Variants in CPSF7 observed in about 807,000 individuals in gnomAD.
The protein encoded by CPSF7 is cleavage and polyadenylation specific factor 7, also known as cleavage and polyadenylation specificity factor subunit 7.
A neutral mutation model predicts 44.3 loss-of-function variants in CPSF7; 1 was observed. The ratio of observed to expected loss-of-function variants is 0.02; its 90% CI spans 0.01 to 0.11. CPSF7 has a LOEUF of 0.11. Ranked by LOEUF, CPSF7 falls within the 10% of genes least tolerant of loss-of-function variation. CPSF7 has a pLI of 1.00. For synonymous variants in CPSF7, 202 were observed against 222.0 expected (o/e 0.91, Z 0.80); for missense variants, 443 against 607.2 (o/e 0.73, Z 2.84).
intron 1 of CPSF7, 167 bp downstream of exon 1, chr11:61,429,747 C>T: frequency 1.9e-6 from 3 of 1,545,732 alleles, no homozygotes; most frequent in Non-Finnish European, 2.6e-6. Context: ...CCCGCTCCCT[C>T]CCGACAAACC....
At chr11:61,412,580 C>A (rs140243145) in intron 7 of CPSF7, among the ~76,000 whole-genome samples, 1 of 152,142 alleles carries the variant, frequency 6.6e-6, no homozygotes, top group Non-Finnish European at 1.5e-5. Context: ...TGAGCCACTG[C>A]GCCCGGCCAG....
chr11:61,427,896 AAAAT>A (rs1263926498), intron 2 of CPSF7, among the ~76,000 whole-genome samples: 1 of 152,178 alleles, frequency 6.6e-6, no homozygotes. Flanking sequence ...TGCCAAGTGA[AAAAT>A]AAATGGCATG....
intron 5 of CPSF7, 58 bp downstream of exon 5, chr11:61,419,891 C>T (rs778869074): frequency 1.4e-6 from 2 of 1,481,316 alleles, no homozygotes; most frequent in African/African-American, 1.4e-5. Flanking sequence ...CCCACAAACA[C>T]CCCCCCCTCA....
At position 61,411,878 on chromosome 11, in the gene CPSF7, G is replaced by C. The variant is rs745409283; in HGVS notation, c.1117C>G (p.Arg373Gly). 1 of 1,614,166 alleles carries C rather than the reference G, an allele frequency of 6.2e-7. No individual in the cohort carries two copies. Among genetic ancestry groups the C allele is most frequent in the Non-Finnish European group, 8.5e-7 (1 of 1,179,990 alleles). ...LTAIAVIKQSRVANDERCRVL... is the reference protein window; with the variant it reads ...LTAIAVIKQSGVANDERCRVL... Reference sequence around the variant, plus strand: ...CGGCAACGCTCATCATTGGCAACCCGGGACTGTTTGATAACCGCAATGGCT... The same window carrying C: ...CGGCAACGCTCATCATTGGCAACCCCGGACTGTTTGATAACCGCAATGGCT... The change falls in exon 8 of 10, where the codon CGG becomes GGG. Residue 373 changes from arginine to glycine, a missense_variant. Transcript: ENST00000439958.
Position 61,411,086 on chromosome 11 carries a change from C to T in CPSF7, c.1246G>A (p.Glu416Lys), listed in dbSNP as rs1404947942. The change falls in exon 9 of 10, where the codon GAA (glutamate) becomes AAA (lysine). Residue 416 changes from glutamate (E) to lysine (K), a missense_variant. Physicochemically the swap from Glu to Lys is moderately conservative, Grantham distance 56 (BLOSUM62 1). Coordinates refer to ENST00000439958, the MANE Select transcript of CPSF7 (RefSeq NM_001142565.3). ...TCCCGGGACCGGCTAGGTGACCTTT[C>T]CCGGGAGCGATGTCTTTTCCTATTA... is the stretch of plus-strand genomic sequence containing the variant. ...SSSRKRHRSR[E>K]RSPSRSRESS... 6.2e-7 allele frequency: 1 copy of T among 1,610,734 alleles called. No homozygotes were observed. Among genetic ancestry groups the T allele is most frequent in the East Asian group, 2.2e-5 (1 of 44,846 alleles).
Position 61,416,111 on chromosome 11 carries a change from T to C in CPSF7, c.932A>G (p.His311Arg), listed in dbSNP as rs746264215. 4.0e-6 allele frequency: 6 copies of C among 1,498,354 alleles called. No homozygotes were observed. In the African/African-American group the frequency reaches 5.6e-5, roughly 14 times the overall value. The allele number at this position is 1,498,354 out of a possible 1,614,324, so 92.8% of individuals were successfully genotyped here. ...YMKASAPYNHHGSRDSGPPPS... is the reference protein window; with the variant it reads ...YMKASAPYNHRGSRDSGPPPS... The stretch of plus-strand genomic sequence containing the variant: ...AAGGAACAATAGTCCTTACCTGCCA[T>C]GGTGGTTATAGGGGGCAGAGGCCTT... Residue 311 changes from histidine to arginine, a missense_variant, in exon 6 of 10, where the codon CAT becomes CGT. Coordinates refer to ENST00000439958, the MANE Select transcript of CPSF7 (RefSeq NM_001142565.3).
chr11:61,416,919 CCT>C (rs776297549), intron 5 of CPSF7, among the ~76,000 whole-genome samples: 2 of 152,132 alleles, frequency 1.3e-5, no homozygotes, highest in Non-Finnish European at 2.9e-5. Context: ...GAGTTCAGGA[CCT>C]CTCTCCTTAA....
At chr11:61,407,843 G>A (rs1859463551) in intron 9 of CPSF7, among the ~76,000 whole-genome samples, 1 of 152,140 alleles carries the variant, frequency 6.6e-6, no homozygotes, top group African/African-American at 2.4e-5. Context: ...TTTTTAGTAG[G>A]TTGTCACTGG....
chr11:61,413,462 C>G (rs556482825), intron 7 of CPSF7, among the ~76,000 whole-genome samples: 3 of 151,930 alleles, frequency 2.0e-5, no homozygotes, highest in Admixed American at 1.3e-4. Context: ...GAAACCCGGT[C>G]TCTACTAAAA....
chr11:61,429,092 GACTGGT>G (rs752657694), intron 2 of CPSF7, 84 bp downstream of exon 2: 1 of 788,496 alleles, frequency 1.3e-6, no homozygotes, highest in Non-Finnish European at 2.2e-6. Flanking sequence ...TCAAGCCTAG[GACTGGT>G]ACAGCTTGAA....
At position 61,411,033 on chromosome 11, in the gene CPSF7, A is replaced by C; in HGVS notation, c.1299T>G (p.Leu433=). Residue 433 remains leucine (L), a synonymous_variant, in exon 9 of 10, where the codon CTT becomes CTG. Transcript: ENST00000439958. ...RESSRRHRDL[L]HNEDRHDDYF... is the part of the protein sequence containing the mutation. ...AATCATCATGCCGATCTTCATTATG[A>C]AGCAGATCCCGGTGCCTCCTGCTGC... is the stretch of plus-strand genomic sequence containing the variant. The C allele has an allele frequency of 6.2e-7, 1 of 1,613,612 alleles. No homozygotes were observed. Among genetic ancestry groups the C allele is most frequent in the African/African-American group, 1.3e-5 (1 of 74,924 alleles).
chr11:61,429,849 C>A, intron 1 of CPSF7, 65 bp downstream of exon 1: 2 of 1,544,604 alleles, frequency 1.3e-6, no homozygotes. Context: ...ACCCCCTTCC[C>A]GCCTCAGTGC....
At chr11:61,429,028 T>C (rs1325977063) in intron 2 of CPSF7, 154 bp downstream of exon 2, 6 of 540,320 alleles carry the variant, frequency 1.1e-5, no homozygotes, top group Non-Finnish European at 2.0e-5. Flanking sequence ...AGGAATGGAG[T>C]GTAGTCTTTA....
At chr11:61,410,704 TCTCA>T (rs942398785) in intron 9 of CPSF7, 19 of 373,280 alleles carry the variant, frequency 5.1e-5, no homozygotes, top group Non-Finnish European at 7.6e-5. Flanking sequence ...GACACCATAC[TCTCA>T]CTCAGATACC....
At chr11:61,422,875 T>C (rs1273918365) in intron 2 of CPSF7, among the ~76,000 whole-genome samples, 1 of 151,888 alleles carries the variant, frequency 6.6e-6, no homozygotes, top group African/African-American at 2.4e-5. Context: ...GCTCACGCCT[T>C]GTATCCCAGC....
rs1859069891 is a variant in CPSF7, at chr11:61,403,650, A to C, written c.*1060T>G. 1 of 152,208 alleles carries C rather than the reference A, an allele frequency of 6.6e-6. No homozygotes were observed. Among genetic ancestry groups the C allele is most frequent in the Non-Finnish European group, 1.5e-5 (1 of 68,042 alleles). The allele number at this position is 152,208 out of a possible 1,614,324, so 9.4% of individuals were successfully genotyped here. ...ACTAGTGCCAGGTTATCCCACAATA[A>C]GTAAAAGTATGTACCTGGGGGATGT... On this transcript the variant is annotated 3_prime_UTR_variant, in exon 10 of 10. Transcript: ENST00000439958.
intron 2 of CPSF7, among the ~76,000 whole-genome samples, chr11:61,424,755 CTTT>C (rs568100305): frequency 1.3e-5 from 2 of 151,724 alleles, no homozygotes; most frequent in African/African-American, 4.8e-5. Context: ...ACCCAGCCTT[CTTT>C]TTTTTTAAAT....
At position 61,416,119 on chromosome 11, in the gene CPSF7, A is replaced by G; in HGVS notation, c.924T>C (p.Tyr308=). 6.7e-7 allele frequency: 1 copy of G among 1,502,566 alleles called. No individual in the cohort carries two copies. The highest frequency in any genetic ancestry group is 2.3e-5 in the East Asian group (1 of 43,006). 93.1% of individuals were successfully genotyped at this position (1,502,566 alleles called of 1,614,324 possible). ...PDTYMKASAP[Y]NHHGSRDSGP... is the part of the protein sequence containing the mutation. ...ATAGTCCTTACCTGCCATGGTGGTTATAGGGGGCAGAGGCCTTCATGTAAG... is the reference window on the plus strand; with the variant it reads ...ATAGTCCTTACCTGCCATGGTGGTTGTAGGGGGCAGAGGCCTTCATGTAAG... Residue 308 remains tyrosine (Y), a synonymous_variant, in exon 6 of 10, where the codon TAT becomes TAC. Coordinates refer to ENST00000439958, the MANE Select transcript of CPSF7 (RefSeq NM_001142565.3).
intron 9 of CPSF7, among the ~76,000 whole-genome samples, chr11:61,407,512 T>A (rs1859433294): frequency 1.3e-5 from 2 of 152,218 alleles, no homozygotes; most frequent in South Asian, 4.1e-4. Flanking sequence ...CAATAGCGTC[T>A]GCTTTTCCAG....
Sources: allele counts gnomAD v4.1 joint callset (sites outside exome capture counted in the v4.1 genomes callset), GRCh38; gene constraint gnomAD v4.1.1; transcripts MANE v1.5; gene names NCBI Gene and HGNC (gene_info 2026-07-23, HGNC 2026-07-21).